The following NXPH1 variants were observed in gnomAD, a reference collection of about 807,000 sequenced individuals.
NXPH1 encodes the protein neurexophilin 1.
A neutral mutation model predicts 23.7 loss-of-function variants in NXPH1; 5 were observed. The ratio of observed to expected loss-of-function variants is 0.21; its 90% CI spans 0.11 to 0.44. The LOEUF is 0.44. Ranked by LOEUF, NXPH1 falls within the 20% of genes least tolerant of loss-of-function variation. NXPH1 has a pLI of 0.99. For synonymous variants in NXPH1, 144 were observed against 122.2 expected, an observed-to-expected ratio of 1.18 and a Z score of -1.18; for missense variants, 324 against 321.6, an observed-to-expected ratio of 1.01 and a Z score of -0.06.
At chr7:8,628,008 T>C (rs1820031069) in intron 2 of NXPH1, among the ~76,000 whole-genome samples, 1 of 152,152 alleles carries the variant, frequency 6.6e-6, no homozygotes, top group Non-Finnish European at 1.5e-5. Flanking sequence ...GGGCAGGTTA[T>C]CTTGGGTACG....
intron 2 of NXPH1, among the ~76,000 whole-genome samples, chr7:8,542,020 T>C (rs1033958093): frequency 2.0e-5 from 3 of 151,406 alleles, no homozygotes; most frequent in Non-Finnish European, 4.4e-5. Flanking sequence ...TTAAAATAAA[T>C]GTAAATAGCC....
At chr7:8,450,503 T>G (rs925450538) in intron 2 of NXPH1, among the ~76,000 whole-genome samples, 1 of 152,246 alleles carries the variant, frequency 6.6e-6, no homozygotes, top group Non-Finnish European at 1.5e-5. Flanking sequence ...TTTTATAGAA[T>G]TATTCAGTCT....
At chr7:8,705,155 T>C (rs1400359913) in intron 2 of NXPH1, among the ~76,000 whole-genome samples, 1 of 152,138 alleles carries the variant, frequency 6.6e-6, no homozygotes, top group Admixed American at 6.5e-5. Flanking sequence ...GCATACAAAA[T>C]TGTAGACTGC....
intron 2 of NXPH1, among the ~76,000 whole-genome samples, chr7:8,580,318 A>C (rs1471581551): frequency 1.3e-5 from 2 of 152,230 alleles, no homozygotes; most frequent in Non-Finnish European, 2.9e-5. Context: ...TCCACTGCCT[A>C]TGACACCTTG....
At chr7:8,563,589 A>G (rs1218708278) in intron 2 of NXPH1, among the ~76,000 whole-genome samples, 3 of 151,806 alleles carry the variant, frequency 2.0e-5, no homozygotes, top group African/African-American at 7.2e-5. Flanking sequence ...GGTGTGAAAA[A>G]ATGTGGAGAG....
chr7:8,588,695 C>T (rs1049775720), intron 2 of NXPH1, among the ~76,000 whole-genome samples: 3 of 152,202 alleles, frequency 2.0e-5, no homozygotes, highest in South Asian at 2.1e-4. Flanking sequence ...TCACATGGCA[C>T]ACACCTGGTA....
chr7:8,573,328 C>A (rs191732606), intron 2 of NXPH1, among the ~76,000 whole-genome samples: 1 of 151,990 alleles, frequency 6.6e-6, no homozygotes, highest in East Asian at 1.9e-4. Flanking sequence ...AAATTTATAT[C>A]TCTATTTCTG....
At chr7:8,579,572 A>G (rs1818826526) in intron 2 of NXPH1, among the ~76,000 whole-genome samples, 1 of 152,120 alleles carries the variant, frequency 6.6e-6, no homozygotes, top group South Asian at 2.1e-4. Flanking sequence ...GGGTTTCTCC[A>G]TGTTGGTCAG....
chr7:8,470,034 A>T (rs772798958), intron 2 of NXPH1, among the ~76,000 whole-genome samples: 7 of 152,182 alleles, frequency 4.6e-5, no homozygotes, highest in Non-Finnish European at 7.4e-5. Flanking sequence ...TACATTAGAC[A>T]ATATGGATTA....
At chr7:8,592,061 G>A (rs1016112900) in intron 2 of NXPH1, among the ~76,000 whole-genome samples, 1 of 151,856 alleles carries the variant, frequency 6.6e-6, no homozygotes, top group Non-Finnish European at 1.5e-5. Context: ...CTGGAGAGGC[G>A]AAAGATTGTC....
intron 2 of NXPH1, among the ~76,000 whole-genome samples, chr7:8,719,655 G>T (rs908998194): frequency 6.6e-6 from 1 of 152,084 alleles, no homozygotes; most frequent in Non-Finnish European, 1.5e-5. Context: ...CATAAAAAAG[G>T]CATCTGCCTT....
chr7:8,724,217 A>G (rs1780013586), intron 2 of NXPH1, among the ~76,000 whole-genome samples: 1 of 152,188 alleles, frequency 6.6e-6, no homozygotes, highest in Non-Finnish European at 1.5e-5. Context: ...CTTTTTTCAA[A>G]GAGACCTGGG....
chr7:8,530,798 C>A (rs1466420316), intron 2 of NXPH1, among the ~76,000 whole-genome samples: 1 of 152,220 alleles, frequency 6.6e-6, no homozygotes, highest in African/African-American at 2.4e-5. Flanking sequence ...TATAAAGTTA[C>A]TAGCCTGTTT....
intron 2 of NXPH1, among the ~76,000 whole-genome samples, chr7:8,552,960 T>C (rs1008916005): frequency 2.0e-5 from 3 of 151,546 alleles, no homozygotes; most frequent in Admixed American, 6.6e-5. Flanking sequence ...ATCTATCGTT[T>C]AGGAAGTCAG....
rs369912117 is a variant in NXPH1 at position 8,663,896 on chromosome 7, G to T, written c.55-87112G>T. On this transcript the variant is annotated intron_variant, in intron 2 of 2. Transcript: ENST00000405863. ...TCGTAATCCTTATTTCTTCTCAAAG[G>T]TCTTGCTACCCTTTTTACTGGATTT... is the stretch of plus-strand genomic sequence containing the variant. Among the ~76,000 whole-genome samples, 5 of 152,124 alleles carry T rather than the reference G, an allele frequency of 3.3e-5. No individual in the cohort carries two copies. In the East Asian group the frequency reaches 9.7e-4, roughly 29 times the overall value.
chr7:8,542,229 TG>T (rs1260477147), intron 2 of NXPH1, among the ~76,000 whole-genome samples: 2 of 151,526 alleles, frequency 1.3e-5, no homozygotes, highest in Admixed American at 6.6e-5. Flanking sequence ...AAAATAGTAC[TG>T]GATATAAAGA....
chr7:8,617,474 A>G (rs1819769738), intron 2 of NXPH1, among the ~76,000 whole-genome samples: 1 of 152,142 alleles, frequency 6.6e-6, no homozygotes, highest in South Asian at 2.1e-4. Flanking sequence ...CTATTCAGCC[A>G]TAAAAAAGAA....
At chr7:8,494,379 A>AT (rs201927402) in intron 2 of NXPH1, among the ~76,000 whole-genome samples, 7,901 of 152,014 alleles carry the variant, frequency 0.052, 230 homozygotes, top group South Asian at 0.075. Context: ...GATAGGTAGT[A>AT]TCTTTTTCTT....
rs1417020567 is a variant in NXPH1 at position 8,471,018 on chromosome 7, TG to T, written c.54+35254del. Among the ~76,000 whole-genome samples, 5 of 152,198 alleles carry T rather than the reference TG, an allele frequency of 3.3e-5. No individual in the cohort carries two copies. The South Asian group carries it at 1.0e-3, about 32-fold the overall frequency. On this transcript the variant is annotated intron_variant, in intron 2 of 2. Coordinates refer to ENST00000405863, the MANE Select transcript of NXPH1 (RefSeq NM_152745.3). ...AAGTGAACAGCTAATTGGAACTTCT[TG>T]GGTTTCATTTTTTTGGGTGATTGGG...
Sources: allele counts gnomAD v4.1 joint callset (sites outside exome capture counted in the v4.1 genomes callset), GRCh38; gene constraint gnomAD v4.1.1; transcripts MANE v1.5; gene names NCBI Gene and HGNC (gene_info 2026-07-23, HGNC 2026-07-21).